The following SAMD12 variants were observed in gnomAD, a reference collection of about 807,000 sequenced individuals.
SAMD12 encodes sterile alpha motif domain-containing protein 12.
SAMD12 carries 9 observed loss-of-function variants against 15.0 expected under a neutral mutation model. That is an observed-to-expected ratio of 0.60 (90% CI 0.36 to 1.05). SAMD12 has a LOEUF of 1.05. SAMD12 is among the 50% of genes least tolerant of loss of function. The pLI, the probability that SAMD12 is intolerant of heterozygous loss-of-function variation, is 0.01. For missense variants in SAMD12, 230 were observed against 234.2 expected (o/e 0.98, Z 0.12); for synonymous variants, 86 against 90.1 (o/e 0.96, Z 0.25).
chr8:118,230,602 T>C (rs1330166846), intron 4 of SAMD12, among the ~76,000 whole-genome samples: 2 of 151,982 alleles, frequency 1.3e-5, no homozygotes, highest in African/African-American at 4.8e-5. Context: ...ACTGGAGAAC[T>C]ACTCTACATT....
At chr8:118,335,328 AC>A (rs970931469) in intron 4 of SAMD12, among the ~76,000 whole-genome samples, 3 of 152,080 alleles carry the variant, frequency 2.0e-5, no homozygotes, top group Non-Finnish European at 4.4e-5. Context: ...GCAGCTTTCC[AC>A]CAGGATCATG....
intron 3 of SAMD12, among the ~76,000 whole-genome samples, chr8:118,419,741 G>C (rs1188079323): frequency 6.6e-6 from 1 of 152,126 alleles, no homozygotes; most frequent in Non-Finnish European, 1.5e-5. Flanking sequence ...GAAGTTTTAA[G>C]GTTAAGATCC....
chr8:118,593,070 C>G (rs1026778512), intron 1 of SAMD12, among the ~76,000 whole-genome samples: 2 of 152,138 alleles, frequency 1.3e-5, no homozygotes, highest in Non-Finnish European at 2.9e-5. Flanking sequence ...AAGGAACATT[C>G]AAGTTTAACA....
the SAMD12 span, among the ~76,000 whole-genome samples, chr8:118,137,776 T>C: frequency 6.6e-6 from 1 of 152,162 alleles, no homozygotes; most frequent in African/African-American, 2.4e-5. Context: ...AAAAAAATCA[T>C]CACAAAAACA....
chr8:118,582,260 C>T (rs1373704535), intron 1 of SAMD12, among the ~76,000 whole-genome samples: 1 of 152,138 alleles, frequency 6.6e-6, no homozygotes, highest in African/African-American at 2.4e-5. Context: ...TTATGAATGT[C>T]AGACAAGTAA....
intron 3 of SAMD12, among the ~76,000 whole-genome samples, chr8:118,390,670 A>G (rs1386758292): frequency 6.6e-6 from 1 of 152,156 alleles, no homozygotes; most frequent in Admixed American, 6.5e-5. Context: ...TCCAAGACCA[A>G]TAAGTCTCCT....
intron 4 of SAMD12, among the ~76,000 whole-genome samples, chr8:118,307,031 T>C (rs1563750645): frequency 6.6e-6 from 1 of 152,136 alleles, no homozygotes. Flanking sequence ...AGCCTGAATG[T>C]TAGGGAATTT....
chr8:118,156,955 T>C, the SAMD12 span, among the ~76,000 whole-genome samples: 2 of 152,232 alleles, frequency 1.3e-5, no homozygotes, highest in Non-Finnish European at 1.5e-5. Flanking sequence ...GTTTGCCCTA[T>C]GGAAATTAGA....
chr8:118,496,955 CA>C (rs58385331), intron 2 of SAMD12, among the ~76,000 whole-genome samples: 9,924 of 151,722 alleles, frequency 0.065, 645 homozygotes, highest in African/African-American at 0.16. Context: ...ACATAGCCAA[CA>C]AGCATATGAA....
chr8:118,621,281 G>A (rs917923005), intron 1 of SAMD12: 1 of 163,560 alleles, frequency 6.1e-6, no homozygotes, highest in Non-Finnish European at 1.3e-5. Context: ...ACAGGTGTAG[G>A]GACACCTCTA....
chr8:118,491,704 CAT>C (rs1269968229), intron 2 of SAMD12, among the ~76,000 whole-genome samples: 11 of 152,106 alleles, frequency 7.2e-5, no homozygotes, highest in African/African-American at 2.6e-4. Context: ...ATGCAGTAAA[CAT>C]GTGCATGTGT....
chr8:118,364,452 C>T (rs915652610), intron 4 of SAMD12, among the ~76,000 whole-genome samples: 12 of 152,130 alleles, frequency 7.9e-5, no homozygotes, highest in African/African-American at 2.9e-4. Flanking sequence ...GCTGAAAACT[C>T]CTTCTGAATT....
At chr8:118,578,293 G>C (rs1019118598) in intron 2 of SAMD12, among the ~76,000 whole-genome samples, 1 of 151,990 alleles carries the variant, frequency 6.6e-6, no homozygotes. Context: ...ATGAACATTC[G>C]GGCTATTTTC....
At chr8:118,402,501 G>C (rs1412355706) in intron 3 of SAMD12, among the ~76,000 whole-genome samples, 1 of 152,228 alleles carries the variant, frequency 6.6e-6, no homozygotes, top group East Asian at 1.9e-4. Flanking sequence ...AAGGACTGAG[G>C]CTTATAAGGG....
chr8:118,519,939 GTAA>G (rs1024853410), intron 2 of SAMD12, among the ~76,000 whole-genome samples: 5 of 152,114 alleles, frequency 3.3e-5, no homozygotes, highest in African/African-American at 1.2e-4. Context: ...TGAAAAAAAA[GTAA>G]TAATTACGTT....
chr8:118,567,501 T>C (rs1826883497), intron 2 of SAMD12, among the ~76,000 whole-genome samples: 1 of 152,088 alleles, frequency 6.6e-6, no homozygotes, highest in Non-Finnish European at 1.5e-5. Context: ...TCTCCCAAAA[T>C]AGATAAGCTA....
At chr8:118,313,488 A>G (rs956575037) in intron 4 of SAMD12, among the ~76,000 whole-genome samples, 2 of 152,164 alleles carry the variant, frequency 1.3e-5, no homozygotes, top group Non-Finnish European at 2.9e-5. Context: ...ACCTACCTGC[A>G]GTGACTCTAT....
chr8:118,581,004 C>T (rs1458544783), intron 1 of SAMD12, 111 bp from the exon 2 acceptor site: 10 of 727,740 alleles, frequency 1.4e-5, no homozygotes, highest in East Asian at 2.7e-5. Flanking sequence ...ATCTATGAGT[C>T]GAGAGGTGGT....
intron 4 of SAMD12, among the ~76,000 whole-genome samples, chr8:118,242,684 G>GA (rs938768401): frequency 7.3e-5 from 11 of 151,506 alleles, no homozygotes; most frequent in African/African-American, 2.4e-4. Flanking sequence ...GCTATAAACA[G>GA]AAAAAAAAGG....
Sources: gnomAD v4.1 joint callset for allele counts (sites outside exome capture counted in the v4.1 genomes callset) on GRCh38, gnomAD v4.1.1 for gene constraint, MANE v1.5 for transcripts, NCBI Gene and HGNC (gene_info 2026-07-23, HGNC 2026-07-21) for gene names.